The following PARVB variants were observed in gnomAD, a reference collection of about 807,000 sequenced individuals.
PARVB encodes parvin beta.
In PARVB, 46 loss-of-function variants were observed where a neutral mutation model predicts 47.0. The observed-to-expected ratio is 0.98, with a 90% CI of 0.77 to 1.25. The LOEUF (loss-of-function observed/expected upper bound fraction) is 1.25. Ranked by LOEUF, PARVB falls within the 50% of genes most tolerant of loss-of-function variation. The pLI, the probability that PARVB is intolerant of heterozygous loss-of-function variation, is 0.00. For synonymous variants in PARVB, 196 were observed against 196.3 expected (o/e 1.00, Z 0.01); for missense variants, 473 against 471.6 (o/e 1.00, Z -0.03).
At chr22:44,077,898 A>G (rs1391708054) in intron 1 of PARVB, among the ~76,000 whole-genome samples, 1 of 151,974 alleles carries the variant, frequency 6.6e-6, no homozygotes, top group Non-Finnish European at 1.5e-5. Context: ...GGTTTTCACC[A>G]TGTTGGCCAG....
At chr22:44,027,914 C>CATATATATATATATATATATAT (rs3083338) in intron 1 of PARVB, among the ~76,000 whole-genome samples, 14 of 133,250 alleles carry the variant, frequency 1.1e-4, no homozygotes, top group African/African-American at 3.9e-4. Context: ...AAAAAAAAAC[C>CATATATATATATATATATATAT]ATATATATAT....
chr22:44,073,417 C>T (rs977425868), intron 1 of PARVB, among the ~76,000 whole-genome samples: 1 of 152,162 alleles, frequency 6.6e-6, no homozygotes, highest in African/African-American at 2.4e-5. Context: ...TCACTTGAAC[C>T]CAGGAGGCAG....
chr22:44,013,187 C>G (rs570593524), intron 2 of PARVB, among the ~76,000 whole-genome samples: 5 of 152,112 alleles, frequency 3.3e-5, no homozygotes, highest in Non-Finnish European at 7.3e-5. Flanking sequence ...CGTGAGTCAC[C>G]GTGCCTGACC....
intron 3 of PARVB, chr22:44,104,263 A>G (rs2092437): frequency 0.091 from 13,810 of 152,288 alleles, 936 homozygotes; most frequent in Middle Eastern, 0.2. Flanking sequence ...CTCAGACTGC[A>G]GGTTGCGTCT....
chr22:44,061,991 A>G (rs1389991401), intron 1 of PARVB, among the ~76,000 whole-genome samples: 1 of 152,232 alleles, frequency 6.6e-6, no homozygotes, highest in Non-Finnish European at 1.5e-5. Context: ...TACAAATTTT[A>G]GCCAGTAGAC....
At chr22:44,097,091 T>C (rs947205472) in intron 2 of PARVB, among the ~76,000 whole-genome samples, 3 of 151,936 alleles carry the variant, frequency 2.0e-5, no homozygotes, top group Admixed American at 1.3e-4. Flanking sequence ...TGGCACAGTT[T>C]AGCGACCACT....
At chr22:44,024,268 C>T, upstream of PARVB, 1 of 861,724 alleles carries the variant, frequency 1.2e-6, no homozygotes, top group Non-Finnish European at 1.4e-6. Flanking sequence ...GGGGCCGCGC[C>T]CTCGGCCTCT....
At chr22:44,093,185 G>A (rs2052214410) in intron 1 of PARVB, among the ~76,000 whole-genome samples, 1 of 152,210 alleles carries the variant, frequency 6.6e-6, no homozygotes. Context: ...GTCTGTGTGG[G>A]TGGGTATTCC....
In PARVB at chr22:44,086,921, C is replaced by T. The variant is rs182352024; in HGVS notation, c.113-7007C>T. On this transcript the variant is annotated intron_variant, in intron 1 of 12. Transcript: ENST00000338758. ...GATGTCTTTGGGTTCCTGCTTAAGC[C>T]CAAGCGAAGGATCCCGATGCCCCCT... The T allele has an allele frequency of 4.3e-4, 340 of 793,588 alleles. 2 individuals are homozygous for T. The African/African-American group carries it at 6.1e-3, about 14-fold the overall frequency. The allele number at this position is 793,588 out of a possible 1,614,324, so 49.2% of individuals were successfully genotyped here. A position where few individuals can be genotyped will look rare whatever the true frequency, so the allele number is the denominator to read the frequency against.
In PARVB at chr22:44,119,024, T is replaced by C. The variant is rs1444195137; in HGVS notation, c.274-14T>C. ...GCTGGTGGACTGAGGCCATAATGCC[T>C]GCGTCTCCTGCAGGTCCTCCTCGAC... On this transcript the variant is annotated splice_polypyrimidine_tract_variant and intron_variant, in intron 3 of 12. Coordinates refer to ENST00000338758, the MANE Select transcript of PARVB (RefSeq NM_013327.5). 4 of 1,595,466 alleles carry C rather than the reference T, an allele frequency of 2.5e-6. No homozygotes were observed. In the African/African-American group the frequency reaches 5.4e-5, roughly 21 times the overall value.
At chr22:44,134,883 G>A (rs1203730831) in intron 6 of PARVB, among the ~76,000 whole-genome samples, 8 of 152,194 alleles carry the variant, frequency 5.3e-5, no homozygotes, top group Admixed American at 5.2e-4. Flanking sequence ...AAAACATCCA[G>A]CTTCATGTCT....
At chr22:44,011,115 C>T (rs887896454) in intron 2 of PARVB, among the ~76,000 whole-genome samples, 9 of 152,136 alleles carry the variant, frequency 5.9e-5, no homozygotes, top group South Asian at 4.1e-4. Context: ...TGAGCCACTG[C>T]GCCCGGCCAT....
At chr22:44,033,718 T>C (rs1401806916) in intron 1 of PARVB, among the ~76,000 whole-genome samples, 1 of 152,218 alleles carries the variant, frequency 6.6e-6, no homozygotes, top group Non-Finnish European at 1.5e-5. Context: ...TCATGCATTA[T>C]TATACGTGTT....
chr22:44,162,078 C>T (rs895780492), intron 11 of PARVB, among the ~76,000 whole-genome samples: 2 of 152,260 alleles, frequency 1.3e-5, no homozygotes, highest in African/African-American at 4.8e-5. Context: ...TAGCCAGACC[C>T]TCTTGCGGTT....
At chr22:44,081,598 C>T (rs767520269) in intron 1 of PARVB, 13 of 985,192 alleles carry the variant, frequency 1.3e-5, no homozygotes, top group East Asian at 1.1e-4. Flanking sequence ...AGCTTCTGCA[C>T]GGCCGTTTCT....
At chr22:44,083,514 G>T (rs915986862) in intron 1 of PARVB, among the ~76,000 whole-genome samples, 3 of 152,160 alleles carry the variant, frequency 2.0e-5, no homozygotes, top group Non-Finnish European at 4.4e-5. Flanking sequence ...AAACCCAGAG[G>T]AGGGGCCCGA....
At chr22:44,023,235 G>C (rs2146873911), upstream of PARVB, among the ~76,000 whole-genome samples, 1 of 152,202 alleles carries the variant, frequency 6.6e-6, no homozygotes, top group East Asian at 1.9e-4. Context: ...TCTAGGCTGG[G>C]CATGGTGGCT....
chr22:44,166,836 G>T (rs1383826375), intron 12 of PARVB, among the ~76,000 whole-genome samples: 2 of 152,250 alleles, frequency 1.3e-5, no homozygotes, highest in African/African-American at 4.8e-5. Context: ...TTCAAAATCA[G>T]CTGGGGAGCA....
rs373239649 is a variant in PARVB, at chr22:44,151,439, A to G, written c.775-44A>G. 7.3e-5 allele frequency: 107 copies of G among 1,468,586 alleles called. No homozygotes were observed. The African/African-American group carries it at 1.3e-3, about 18-fold the overall frequency. The allele number at this position is 1,468,586 out of a possible 1,614,324, so 91.0% of individuals were successfully genotyped here. On this transcript the variant is annotated intron_variant, in intron 9 of 12. Coordinates refer to ENST00000338758, the MANE Select transcript of PARVB (RefSeq NM_013327.5). ...GCCTGCCCCTCCAGATGGGACCTGC[A>G]TGCGGGCCATTCATGGCTCCTGTGT...
Sources: allele counts gnomAD v4.1 joint callset (sites outside exome capture counted in the v4.1 genomes callset), GRCh38; gene constraint gnomAD v4.1.1; transcripts MANE v1.5; gene names NCBI Gene and HGNC (gene_info 2026-07-23, HGNC 2026-07-21).